Variants in TRIO observed in about 807,000 individuals in gnomAD.
TRIO encodes trio Rho guanine nucleotide exchange factor, also known as triple functional domain protein.
Under a neutral mutation model 351.9 loss-of-function variants are expected in TRIO, and 58 were observed. That is an observed-to-expected ratio of 0.16 (90% confidence interval 0.13 to 0.21). The LOEUF is 0.21. Among genes scored for constraint, TRIO ranks in the 10% least tolerant of loss-of-function variants. The pLI is 1.00. For missense variants in TRIO, 3,201 were observed against 4,027.8 expected (o/e 0.79, Z 5.56); for synonymous variants, 1,758 against 1,595.7 (o/e 1.10, Z -2.42).
At position 14,183,892 on chromosome 5, in the gene TRIO, G is replaced by T; in HGVS notation, c.157+40010G>T. The T allele has an allele frequency of 4.3e-6, 3 of 692,030 alleles. No homozygotes were observed. In the South Asian group the frequency reaches 4.5e-5, roughly 10 times the overall value. The allele number at this position is 692,030 out of a possible 1,614,324, so 42.9% of individuals were successfully genotyped here. On this transcript the variant is annotated intron_variant, in intron 1 of 56. Coordinates refer to ENST00000344204, the MANE Select transcript of TRIO (RefSeq NM_007118.4). ...TGGCAGATAGTGACTGTTTTACTTC[G>T]ATTTTATTTTCGTGGTAACCGTTTT...
intron 34 of TRIO, among the ~76,000 whole-genome samples, chr5:14,436,330 C>T (rs1227316481): frequency 1.3e-5 from 2 of 152,126 alleles, no homozygotes; most frequent in African/African-American, 2.4e-5. Flanking sequence ...GTCACAAGTA[C>T]AGCACGGGAA....
At chr5:14,465,308 A>G (rs1309888098) in intron 36 of TRIO, among the ~76,000 whole-genome samples, 1 of 152,202 alleles carries the variant, frequency 6.6e-6, no homozygotes, top group African/African-American at 2.4e-5. Flanking sequence ...TGCGATTCAA[A>G]TCAGACACTG....
At chr5:14,183,981 T>TA in intron 1 of TRIO, 1 of 697,900 alleles carries the variant, frequency 1.4e-6, no homozygotes, top group South Asian at 1.5e-5. Flanking sequence ...TCCCAGACTT[T>TA]AAAAAATACA....
At chr5:14,287,458 C>T (rs1255475391) in intron 4 of TRIO, among the ~76,000 whole-genome samples, 1 of 152,172 alleles carries the variant, frequency 6.6e-6, no homozygotes, top group East Asian at 1.9e-4. Flanking sequence ...GAGAAATGCC[C>T]AACTTCAGAG....
intron 53 of TRIO, 126 bp downstream of exon 53, chr5:14,498,766 G>T: frequency 6.9e-7 from 1 of 1,444,830 alleles, no homozygotes; most frequent in Non-Finnish European, 9.4e-7. Context: ...GTCATTTGTG[G>T]GGCTTCAAAA....
intron 20 of TRIO, among the ~76,000 whole-genome samples, chr5:14,378,354 T>A (rs1180067891): frequency 6.6e-6 from 1 of 152,236 alleles, no homozygotes; most frequent in Non-Finnish European, 1.5e-5. Context: ...CTACTGTCTT[T>A]ACCTCATCTC....
chr5:14,488,289 C>T (rs1439468669), intron 48 of TRIO, 29 bp downstream of exon 48: 7 of 1,525,314 alleles, frequency 4.6e-6, no homozygotes, highest in African/African-American at 2.7e-5. Context: ...CCGCGCCCTC[C>T]CGCCCCCCTG....
At chr5:14,384,902 A>G (rs1746403595) in intron 21 of TRIO, among the ~76,000 whole-genome samples, 1 of 152,218 alleles carries the variant, frequency 6.6e-6, no homozygotes. Flanking sequence ...GTAAGAAAGA[A>G]CTTTTACAAA....
chr5:14,488,679 T>C, intron 48 of TRIO: 5 of 549,786 alleles, frequency 9.1e-6, no homozygotes, highest in Non-Finnish European at 1.6e-5. Context: ...TTTGCTCTTT[T>C]ATGCCTTAAA....
At position 14,418,116 on chromosome 5, in the gene TRIO, C is replaced by G. The variant is rs74981707; in HGVS notation, c.4960-1662C>G. The stretch of plus-strand genomic sequence containing the variant: ...ATTGAAGTGCCATGGAGGACAGGCA[C>G]GAGAGGGACTTCTCGGAGCCAGTGG... On this transcript the variant is annotated intron_variant, in intron 33 of 56. Transcript: ENST00000344204. 5.5e-4 allele frequency among the ~76,000 whole-genome samples: 84 copies of G among 152,244 alleles called. No individual in the cohort carries two copies. The East Asian group carries it at 0.012, about 22-fold the overall frequency.
In TRIO at chr5:14,389,280, C is replaced by T. The variant is rs552209722; in HGVS notation, c.3949-9C>T. Reference sequence around the variant, plus strand: ...ATTTTTGTCTAATCCCTGTTTCCCTCTCGGCTAGACGTACCTGTGGGAAAT... The same window carrying T: ...ATTTTTGTCTAATCCCTGTTTCCCTTTCGGCTAGACGTACCTGTGGGAAAT... On this transcript the variant is annotated splice_polypyrimidine_tract_variant and intron_variant, in intron 24 of 56. Coordinates refer to ENST00000344204, the MANE Select transcript of TRIO (RefSeq NM_007118.4). 2.2e-5 allele frequency: 35 copies of T among 1,589,720 alleles called. No homozygotes were observed. The East Asian group carries it at 2.3e-4, about 10-fold the overall frequency.
rs1402592422 is a variant in TRIO at position 14,508,081 on chromosome 5, C to A, written c.8953C>A (p.Leu2985Ile). The A allele has an allele frequency of 6.2e-7, 1 of 1,614,234 alleles. No individual in the cohort carries two copies. Among genetic ancestry groups the A allele is most frequent in the East Asian group, 2.2e-5 (1 of 44,884 alleles). The stretch of plus-strand genomic sequence containing the variant: ...GAGTGTTGGAGTGCTCACATACGTA[C>A]TTCTTAGTGGCGTGTCCCCCTTCCT... ...TWSVGVLTYV[L>I]LSGVSPFLDD... The change falls in exon 57 of 57, where the codon CTT becomes ATT. Residue 2985 changes from leucine (L) to isoleucine (I), a missense_variant. Leu to Ile is a conservative substitution (Grantham distance 5, BLOSUM62 2). This residue lies in a region of TRIO where 233 missense variants were observed against 292.6 expected (regional missense o/e 0.80). Transcript: ENST00000344204.
chr5:14,439,380 G>C (rs1229985215), intron 34 of TRIO, among the ~76,000 whole-genome samples: 3 of 152,128 alleles, frequency 2.0e-5, no homozygotes, highest in Admixed American at 1.3e-4. Flanking sequence ...CAAAATTATT[G>C]TACTCATTTT....
intron 2 of TRIO, among the ~76,000 whole-genome samples, chr5:14,273,317 G>A (rs566987923): frequency 1.3e-5 from 2 of 152,124 alleles, no homozygotes; most frequent in African/African-American, 2.4e-5. Context: ...GATAAACCCC[G>A]TGATAATTTC....
chr5:14,176,477 A>C (rs575661413), intron 1 of TRIO, among the ~76,000 whole-genome samples: 26 of 152,120 alleles, frequency 1.7e-4, no homozygotes, highest in Non-Finnish European at 3.4e-4. Context: ...CTCAAAAAAA[A>C]AACAACAGAG....
intron 13 of TRIO, among the ~76,000 whole-genome samples, chr5:14,361,963 C>T (rs1029097127): frequency 2.0e-5 from 3 of 152,108 alleles, no homozygotes; most frequent in African/African-American, 7.2e-5. Flanking sequence ...ACTAAAAATA[C>T]AAAAATTAGG....
intron 27 of TRIO, among the ~76,000 whole-genome samples, chr5:14,391,832 A>T (rs1372528723): frequency 6.6e-6 from 1 of 152,220 alleles, no homozygotes; most frequent in Non-Finnish European, 1.5e-5. Flanking sequence ...TATCTTTGAG[A>T]TGAAGCCCTA....
At chr5:14,371,640 A>T (rs531728058) in intron 18 of TRIO, among the ~76,000 whole-genome samples, 13 of 150,084 alleles carry the variant, frequency 8.7e-5, no homozygotes, top group African/African-American at 3.2e-4. Flanking sequence ...TGTTCTGTAA[A>T]TGTTTTTTTT....
At chr5:14,334,055 A>C (rs1448259783) in intron 10 of TRIO, among the ~76,000 whole-genome samples, 1 of 152,144 alleles carries the variant, frequency 6.6e-6, no homozygotes. Context: ...TGTTTTAACA[A>C]TCCCAGCTCT....
Sources: allele counts gnomAD v4.1 joint callset (sites outside exome capture counted in the v4.1 genomes callset), GRCh38; gene constraint gnomAD v4.1.1; regional missense constraint gnomAD v4.1.1; transcripts MANE v1.5; gene names NCBI Gene and HGNC (gene_info 2026-07-23, HGNC 2026-07-21).